The following LRP1B variants were observed in gnomAD, a reference collection of about 807,000 sequenced individuals.
LRP1B encodes LDL receptor related protein 1B, also known as low-density lipoprotein receptor-related protein 1B.
LRP1B carries 217 observed loss-of-function variants against 556.6 expected under a neutral mutation model. That is an observed-to-expected ratio of 0.39 (90% CI 0.35 to 0.44). The LOEUF is 0.44. LRP1B is among the 20% of genes least tolerant of loss of function. The probability of loss-of-function intolerance (pLI) is 1.00; values close to 1 mark genes in which losing one functional copy is unlikely to be tolerated. For synonymous variants in LRP1B, 2,047 were observed against 1,865.8 expected (o/e 1.10, Z -2.50); for missense variants, 5,053 against 5,620.8 (o/e 0.90, Z 3.23).
rs1695726148 is a variant in LRP1B at position 140,951,856 on chromosome 2, T to C, written c.2968+4A>G. ...GTGCTATACAGTGAGCATTTGGTAC[T>C]TGCCAGAGTCGCAGTGCCATTTGCT... On this transcript the variant is annotated splice_donor_region_variant and intron_variant, in intron 19 of 90. Transcript: ENST00000389484. 6.2e-7 allele frequency: 1 copy of C among 1,611,762 alleles called. No homozygotes were observed.
chr2:141,603,882 AG>A (rs1236397218), intron 2 of LRP1B, among the ~76,000 whole-genome samples: 1 of 152,164 alleles, frequency 6.6e-6, no homozygotes, highest in Non-Finnish European at 1.5e-5. Context: ...CTTTAGGAAA[AG>A]GCCTAACATT....
At chr2:140,775,207 G>A (rs1157638371) in intron 33 of LRP1B, among the ~76,000 whole-genome samples, 2 of 151,816 alleles carry the variant, frequency 1.3e-5, no homozygotes, top group Non-Finnish European at 1.5e-5. Flanking sequence ...TGCAGGCAGC[G>A]CTCTCAATTG....
intron 43 of LRP1B, among the ~76,000 whole-genome samples, chr2:140,569,100 C>T (rs954515218): frequency 2.0e-5 from 3 of 151,762 alleles, no homozygotes; most frequent in Non-Finnish European, 4.4e-5. Flanking sequence ...GAAACCAAAC[C>T]TTATCACAAC....
At chr2:140,960,726 C>T (rs1200414471) in intron 18 of LRP1B, among the ~76,000 whole-genome samples, 1 of 151,920 alleles carries the variant, frequency 6.6e-6, no homozygotes, top group East Asian at 1.9e-4. Context: ...TGAGCACTCA[C>T]CTCTAAAAGT....
intron 1 of LRP1B, among the ~76,000 whole-genome samples, chr2:141,982,832 A>G (rs1702079306): frequency 6.6e-6 from 1 of 152,182 alleles, no homozygotes; most frequent in African/African-American, 2.4e-5. Context: ...GTATGAATAA[A>G]GTTTATATTT....
In LRP1B at chr2:140,700,516, T is replaced by C. The variant is rs995499392; in HGVS notation, c.6533A>G (p.Asp2178Gly). The change falls in exon 41 of 91, where the codon GAT becomes GGT. Residue 2178 changes from aspartate to glycine, a missense_variant. Asp to Gly is a moderately conservative substitution (Grantham distance 94, BLOSUM62 -1). Around this residue, in one of 5 missense-constraint regions of LRP1B, gnomAD observed 3,619 missense variants for 3,931.9 expected, o/e 0.92. Transcript: ENST00000389484. ...TTCATGCCTCAGGCAAGTAACTCCA[T>C]CTTCTGCCAAATATCCATGGGCACA... ...CACAHGYLAE[D>G]GVTCLRHEGY... The C allele has an allele frequency of 1.9e-6, 3 of 1,613,544 alleles. No individual in the cohort carries two copies. Among genetic ancestry groups the C allele is most frequent in the Non-Finnish European group, 8.5e-7 (1 of 1,179,700 alleles).
At chr2:142,027,513 T>C (rs112036989) in intron 1 of LRP1B, among the ~76,000 whole-genome samples, 18 of 152,006 alleles carry the variant, frequency 1.2e-4, no homozygotes, top group African/African-American at 4.1e-4. Flanking sequence ...GAATGACATA[T>C]ATTCTACACT....
chr2:140,950,460 T>C (rs1254375919), intron 19 of LRP1B, 58 bp from the exon 20 acceptor site: 3 of 1,377,532 alleles, frequency 2.2e-6, no homozygotes, highest in South Asian at 1.4e-5. Flanking sequence ...AATTTTTTCT[T>C]ATGAAATATC....
intron 1 of LRP1B, among the ~76,000 whole-genome samples, chr2:142,123,565 G>GAGAT (rs1281625191): frequency 6.6e-6 from 1 of 151,884 alleles, no homozygotes; most frequent in East Asian, 1.9e-4. Flanking sequence ...AACTCAGGAA[G>GAGAT]AGATGTCTGA....
At chr2:141,223,220 G>A (rs1479970664) in intron 6 of LRP1B, among the ~76,000 whole-genome samples, 8 of 151,776 alleles carry the variant, frequency 5.3e-5, no homozygotes, top group Non-Finnish European at 8.8e-5. Context: ...TGCAAAAATC[G>A]CTAGTTTCCT....
At chr2:141,654,315 G>A (rs1689917413) in intron 2 of LRP1B, among the ~76,000 whole-genome samples, 1 of 152,138 alleles carries the variant, frequency 6.6e-6, no homozygotes, top group South Asian at 2.1e-4. Flanking sequence ...GAAAATTTGG[G>A]GAGGCTATAG....
intron 84 of LRP1B, among the ~76,000 whole-genome samples, chr2:140,292,301 G>A (rs963009277): frequency 2.0e-5 from 3 of 152,118 alleles, no homozygotes; most frequent in East Asian, 1.9e-4. Context: ...ATAAAATAAC[G>A]TGTCATAGCA....
chr2:140,701,850 CA>C lies in LRP1B; in HGVS notation c.6303-6del. 4 of 1,611,680 alleles carry C rather than the reference CA, an allele frequency of 2.5e-6. No homozygotes were observed. Among genetic ancestry groups the C allele is most frequent in the Non-Finnish European group, 3.4e-6 (4 of 1,178,944 alleles). ...ACAGACCCGTTTGCATGTGCTCTGC[CA>C]AAAAGTTGAACATACATGATCAACA... is the stretch of plus-strand genomic sequence containing the variant. On this transcript the variant is annotated splice_region_variant and splice_polypyrimidine_tract_variant and intron_variant, in intron 39 of 90. Transcript: ENST00000389484.
At chr2:141,151,042 C>T (rs1328433840) in intron 7 of LRP1B, among the ~76,000 whole-genome samples, 1 of 152,208 alleles carries the variant, frequency 6.6e-6, no homozygotes, top group Admixed American at 6.5e-5. Flanking sequence ...TGGTAAAGTA[C>T]AATTCACACT....
chr2:140,530,173 T>C (rs1690626305), intron 47 of LRP1B, among the ~76,000 whole-genome samples: 2 of 152,090 alleles, frequency 1.3e-5, no homozygotes, highest in African/African-American at 4.8e-5. Context: ...TCTATCAAAA[T>C]CTCCCTGTAT....
At chr2:140,730,553 TTTTTG>T (rs1316457943) in intron 35 of LRP1B, among the ~76,000 whole-genome samples, 1 of 152,200 alleles carries the variant, frequency 6.6e-6, no homozygotes, top group East Asian at 1.9e-4. Context: ...ATATTCAATT[TTTTTG>T]TTTTGTTTTG....
chr2:141,173,863 C>A (rs76436129), intron 7 of LRP1B, among the ~76,000 whole-genome samples: 1 of 151,966 alleles, frequency 6.6e-6, no homozygotes, highest in Admixed American at 6.6e-5. Context: ...AATTTACTTA[C>A]CTCTTAAGCC....
In LRP1B at chr2:140,946,628, A is replaced by C. The variant is rs148804032; in HGVS notation, c.3136+3607T>G. Among the ~76,000 whole-genome samples the C allele has an allele frequency of 6.8e-4, 104 of 152,030 alleles. 1 individual carries two copies. The highest frequency in any genetic ancestry group is 1.8e-3 in the African/African-American group (74 of 41,460). ...ACAAGAACAACAACAACAACAACAA[A>C]AACAACAACAACAGAACTATCATTT... is the stretch of plus-strand genomic sequence containing the variant. On this transcript the variant is annotated intron_variant, in intron 20 of 90. Coordinates refer to ENST00000389484, the MANE Select transcript of LRP1B (RefSeq NM_018557.3).
intron 3 of LRP1B, among the ~76,000 whole-genome samples, chr2:141,441,616 CAAAT>C (rs1286897215): frequency 1.3e-5 from 2 of 152,090 alleles, no homozygotes; most frequent in African/African-American, 4.8e-5. Flanking sequence ...AAAATGTAAA[CAAAT>C]AACTAATCAT....
Sources: gnomAD v4.1 joint callset for allele counts (sites outside exome capture counted in the v4.1 genomes callset) on GRCh38, gnomAD v4.1.1 for gene constraint, gnomAD v4.1.1 regional missense constraint, MANE v1.5 for transcripts, NCBI Gene and HGNC (gene_info 2026-07-23, HGNC 2026-07-21) for gene names.